Variants in GRIA4 observed in about 807,000 individuals in gnomAD.
The protein encoded by GRIA4 is glutamate ionotropic receptor AMPA type subunit 4, also known as glutamate receptor 4.
In GRIA4, 34 loss-of-function variants were observed where a neutral mutation model predicts 104.0. The observed-to-expected ratio is 0.33, with a 90% CI of 0.25 to 0.44. The LOEUF is 0.44. GRIA4 is among the 20% of genes least tolerant of loss of function. GRIA4 has a pLI of 1.00. For synonymous variants in GRIA4, 386 were observed against 381.9 expected (o/e 1.01, Z -0.13); for missense variants, 750 against 1,096.5 (o/e 0.68, Z 4.46).
chr11:105,678,993 T>C (rs1952627888), intron 3 of GRIA4, among the ~76,000 whole-genome samples: 1 of 151,974 alleles, frequency 6.6e-6, no homozygotes, highest in African/African-American at 2.4e-5. Flanking sequence ...ACTAAGAATA[T>C]CCTGAGTTAG....
At chr11:105,667,102 C>CT (rs1260190526) in intron 3 of GRIA4, among the ~76,000 whole-genome samples, 1 of 152,054 alleles carries the variant, frequency 6.6e-6, no homozygotes, top group East Asian at 1.9e-4. Flanking sequence ...AATACACATT[C>CT]TGTGGACAAG....
intron 14 of GRIA4, among the ~76,000 whole-genome samples, chr11:105,949,830 C>A (rs562679528): frequency 6.6e-6 from 1 of 152,246 alleles, no homozygotes; most frequent in Non-Finnish European, 1.5e-5. Flanking sequence ...TGGCTGAAGG[C>A]AGAGAGAATC....
At chr11:105,665,342 G>A (rs563262810) in intron 3 of GRIA4, among the ~76,000 whole-genome samples, 19 of 151,900 alleles carry the variant, frequency 1.3e-4, no homozygotes, top group East Asian at 5.8e-4. Flanking sequence ...CCCATTTTAC[G>A]TAAAGAAACT....
In GRIA4 at chr11:105,882,432, T is replaced by C. The variant is rs1946100351; in HGVS notation, c.673-5087T>C. Among the ~76,000 whole-genome samples, 6 of 152,154 alleles carry C rather than the reference T, an allele frequency of 3.9e-5. 1 individual carries two copies. In the South Asian group the frequency reaches 6.2e-4, roughly 16 times the overall value. On this transcript the variant is annotated intron_variant, in intron 5 of 16. Coordinates refer to ENST00000282499, the MANE Select transcript of GRIA4 (RefSeq NM_000829.4). ...CTGAGTACTTTATAAACTATTGATATATAAAGGATTAATGTAAAATCTGAT... is the reference window on the plus strand; with the variant it reads ...CTGAGTACTTTATAAACTATTGATACATAAAGGATTAATGTAAAATCTGAT...
At chr11:105,876,273 G>A (rs1402186641) in intron 5 of GRIA4, among the ~76,000 whole-genome samples, 1 of 152,180 alleles carries the variant, frequency 6.6e-6, no homozygotes, top group Non-Finnish European at 1.5e-5. Context: ...ACTGTGGTCT[G>A]AGAGACTGTT....
At chr11:105,712,888 G>T (rs1453621589) in intron 3 of GRIA4, among the ~76,000 whole-genome samples, 1 of 151,816 alleles carries the variant, frequency 6.6e-6, no homozygotes, top group African/African-American at 2.4e-5. Flanking sequence ...TCAGCAAAAA[G>T]GATTTAATAA....
intron 3 of GRIA4, among the ~76,000 whole-genome samples, chr11:105,668,335 G>A (rs1161912670): frequency 1.4e-5 from 2 of 147,108 alleles, no homozygotes; most frequent in African/African-American, 5.0e-5. Context: ...TTCACTATAT[G>A]AATAGTTTTA....
intron 15 of GRIA4, among the ~76,000 whole-genome samples, chr11:105,973,658 T>G (rs1477413669): frequency 1.3e-5 from 2 of 152,234 alleles, no homozygotes; most frequent in African/African-American, 4.8e-5. Flanking sequence ...GAGTTACACA[T>G]AGATAATTAT....
intron 4 of GRIA4, among the ~76,000 whole-genome samples, chr11:105,756,171 A>T (rs1437829033): frequency 6.6e-6 from 1 of 152,236 alleles, no homozygotes; most frequent in Non-Finnish European, 1.5e-5. Context: ...GACAAAGCAG[A>T]TATCTCCAAG....
At chr11:105,858,527 TAC>T (rs1170702995) in intron 4 of GRIA4, among the ~76,000 whole-genome samples, 3 of 152,286 alleles carry the variant, frequency 2.0e-5, no homozygotes, top group African/African-American at 4.8e-5. Context: ...GTTATACTCT[TAC>T]AGTTATTTTA....
intron 14 of GRIA4, among the ~76,000 whole-genome samples, chr11:105,956,613 G>A (rs528316885): frequency 1.9e-4 from 29 of 152,212 alleles, no homozygotes; most frequent in African/African-American, 7.0e-4. Context: ...AATCCTTTGG[G>A]TATATATGCA....
At chr11:105,874,753 C>G (rs1945752768) in intron 5 of GRIA4, among the ~76,000 whole-genome samples, 1 of 152,082 alleles carries the variant, frequency 6.6e-6, no homozygotes, top group Non-Finnish European at 1.5e-5. Flanking sequence ...GTGATTTTTG[C>G]ACTTGATTTT....
chr11:105,880,482 A>G (rs1946010093), intron 5 of GRIA4, among the ~76,000 whole-genome samples: 1 of 152,228 alleles, frequency 6.6e-6, no homozygotes, highest in South Asian at 2.1e-4. Flanking sequence ...CTAGGACCCT[A>G]TCCAAACCAT....
intron 7 of GRIA4, among the ~76,000 whole-genome samples, chr11:105,901,562 A>G (rs1007462003): frequency 6.6e-6 from 1 of 152,226 alleles, no homozygotes; most frequent in Non-Finnish European, 1.5e-5. Context: ...TTATAGCACA[A>G]TAAGACACAT....
intron 14 of GRIA4, among the ~76,000 whole-genome samples, chr11:105,941,998 A>C (rs896511648): frequency 6.6e-6 from 1 of 152,166 alleles, no homozygotes; most frequent in Non-Finnish European, 1.5e-5. Flanking sequence ...AACTAGAACC[A>C]CAAAAAATCA....
At chr11:105,887,966 T>C (rs191943061) in intron 6 of GRIA4, among the ~76,000 whole-genome samples, 7 of 152,352 alleles carry the variant, frequency 4.6e-5, no homozygotes, top group Admixed American at 3.9e-4. Flanking sequence ...ATAATGGCTA[T>C]ATAAGCAAAT....
Position 105,924,559 on chromosome 11 carries a change from A to G in GRIA4, c.1637A>G (p.Glu546Gly). ...VFSFLDPLAY[E>G]IWMCIVFAYI... ...TCCTTCTTGGATCCTCTGGCCTATG[A>G]GATTTGGATGTGCATAGTCTTTGCC... The change falls in exon 12 of 17, where the codon GAG becomes GGG. Residue 546 changes from glutamate (E) to glycine (G), a missense_variant. Coordinates refer to ENST00000282499, the MANE Select transcript of GRIA4 (RefSeq NM_000829.4). 1 of 1,613,054 alleles carries G rather than the reference A, an allele frequency of 6.2e-7. No individual in the cohort carries two copies. Among genetic ancestry groups the G allele is most frequent in the Non-Finnish European group, 8.5e-7 (1 of 1,179,324 alleles).
intron 3 of GRIA4, among the ~76,000 whole-genome samples, chr11:105,628,085 G>A (rs1950934019): frequency 6.6e-6 from 1 of 151,504 alleles, no homozygotes. Context: ...GTGTGTATGT[G>A]TACACACACA....
At chr11:105,914,402 A>C (rs1947341218) in intron 10 of GRIA4, among the ~76,000 whole-genome samples, 1 of 152,092 alleles carries the variant, frequency 6.6e-6, no homozygotes. Flanking sequence ...TAATTGTAAT[A>C]ATTATATTTG....
Sources: gnomAD v4.1 joint callset for allele counts (sites outside exome capture counted in the v4.1 genomes callset) on GRCh38, gnomAD v4.1.1 for gene constraint, MANE v1.5 for transcripts, NCBI Gene and HGNC (gene_info 2026-07-23, HGNC 2026-07-21) for gene names.